The following MRPS27 variants were observed in gnomAD, a reference collection of about 807,000 sequenced individuals.
MRPS27 encodes small ribosomal subunit protein mS27.
MRPS27 carries 43 observed loss-of-function variants against 48.9 expected under a neutral mutation model. That is an observed-to-expected ratio of 0.88 (90% CI 0.69 to 1.13). The LOEUF (loss-of-function observed/expected upper bound fraction) is 1.13. Ranked by LOEUF, MRPS27 falls within the 50% of genes most tolerant of loss-of-function variation. The pLI is 0.00. For synonymous variants in MRPS27, 188 were observed against 171.9 expected (o/e 1.09, Z -0.73); for missense variants, 467 against 476.3 (o/e 0.98, Z 0.18).
At chr5:72,246,126 C>A (rs1261429616) in intron 4 of MRPS27, among the ~76,000 whole-genome samples, 1 of 152,132 alleles carries the variant, frequency 6.6e-6, no homozygotes, top group Non-Finnish European at 1.5e-5. Context: ...CAAGTAGGTG[C>A]CTGATAATTT....
At chr5:72,296,748 A>AGAG (rs1749993097) in intron 3 of MRPS27, among the ~76,000 whole-genome samples, 2 of 152,244 alleles carry the variant, frequency 1.3e-5, no homozygotes, top group Non-Finnish European at 2.9e-5. Flanking sequence ...ATTCAAAAGA[A>AGAG]AGGTAATTTC....
intron 4 of MRPS27, among the ~76,000 whole-genome samples, chr5:72,263,419 A>G (rs545308876): frequency 1.3e-3 from 200 of 152,056 alleles, no homozygotes; most frequent in African/African-American, 4.7e-3. Flanking sequence ...GAAAAAATAG[A>G]GAAACTGGAA....
chr5:72,238,562 G>C (rs1346931624), intron 4 of MRPS27, among the ~76,000 whole-genome samples: 1 of 152,182 alleles, frequency 6.6e-6, no homozygotes, highest in Non-Finnish European at 1.5e-5. Flanking sequence ...AATCAGCTTT[G>C]AGTAACAGTG....
chr5:72,295,893 A>G (rs1400169664), intron 3 of MRPS27, among the ~76,000 whole-genome samples: 1 of 152,188 alleles, frequency 6.6e-6, no homozygotes, highest in Non-Finnish European at 1.5e-5. Context: ...ACTGATTATA[A>G]CTAGTTACCT....
chr5:72,286,127 T>C (rs1448062429), intron 4 of MRPS27, among the ~76,000 whole-genome samples: 4 of 152,222 alleles, frequency 2.6e-5, no homozygotes, highest in African/African-American at 9.6e-5. Flanking sequence ...ACATTCAATA[T>C]GTATTTCTTG....
intron 4 of MRPS27, among the ~76,000 whole-genome samples, chr5:72,244,680 T>C (rs1397382677): frequency 7.2e-6 from 1 of 139,780 alleles, no homozygotes; most frequent in Non-Finnish European, 1.5e-5. Flanking sequence ...TTAATTCCAA[T>C]TTTTTTTTGT....
At chr5:72,272,845 T>C (rs73127265) in intron 4 of MRPS27, among the ~76,000 whole-genome samples, 2,038 of 152,272 alleles carry the variant, frequency 0.013, 41 homozygotes, top group African/African-American at 0.047. Flanking sequence ...TACAGAAAGT[T>C]TGTCAACCCC....
intron 1 of MRPS27, among the ~76,000 whole-genome samples, chr5:72,318,414 C>T (rs748958617): frequency 6.6e-6 from 1 of 152,216 alleles, no homozygotes; most frequent in Non-Finnish European, 1.5e-5. Context: ...GCATATGCTT[C>T]ATTCTAGCAT....
At chr5:72,242,396 G>A (rs1748375170) in intron 4 of MRPS27, among the ~76,000 whole-genome samples, 1 of 147,278 alleles carries the variant, frequency 6.8e-6, no homozygotes, top group African/African-American at 2.5e-5. Context: ...TTCTTAGAAG[G>A]GAAGAGAGGT....
intron 5 of MRPS27, among the ~76,000 whole-genome samples, chr5:72,236,518 G>A (rs979885283): frequency 6.6e-6 from 1 of 152,146 alleles, no homozygotes; most frequent in African/African-American, 2.4e-5. Flanking sequence ...GAATCTTTGA[G>A]TGTAATCTGT....
At chr5:72,270,155 T>TA (rs1749198191) in intron 4 of MRPS27, among the ~76,000 whole-genome samples, 1 of 150,044 alleles carries the variant, frequency 6.7e-6, no homozygotes, top group South Asian at 2.1e-4. Context: ...ATTGCATCAT[T>TA]ATGCTCCAGC....
At chr5:72,241,579 A>C in intron 4 of MRPS27, 1 of 1,433,914 alleles carries the variant, frequency 7.0e-7, no homozygotes, top group Non-Finnish European at 9.5e-7. Context: ...CAGACAAATA[A>C]ATGTGGGGAC....
chr5:72,220,781 G>T lies in MRPS27; in HGVS notation c.*128C>A. On this transcript the variant is annotated 3_prime_UTR_variant, in exon 11 of 11. Transcript: ENST00000261413. ...CAGTCATGGTGCCTTGCCATGTAGG[G>T]CACATAGCCTGCTTTAAGAAAAGAA... 7.4e-7 allele frequency: 1 copy of T among 1,342,934 alleles called. No homozygotes were observed. The highest frequency in any genetic ancestry group is 1.0e-6 in the Non-Finnish European group (1 of 976,150). The allele number at this position is 1,342,934 out of a possible 1,614,324, so 83.2% of individuals were successfully genotyped here. A position where few individuals can be genotyped will look rare whatever the true frequency, so the allele number is the denominator to read the frequency against.
intron 4 of MRPS27, among the ~76,000 whole-genome samples, chr5:72,248,069 T>A (rs1322535856): frequency 6.6e-6 from 1 of 152,316 alleles, no homozygotes; most frequent in South Asian, 2.1e-4. Flanking sequence ...TAAGGTGACC[T>A]TTCTTTCTTC....
intron 4 of MRPS27, among the ~76,000 whole-genome samples, chr5:72,270,831 T>C (rs1338001605): frequency 6.6e-6 from 1 of 152,172 alleles, no homozygotes; most frequent in African/African-American, 2.4e-5. Flanking sequence ...AAGTCTGGAT[T>C]AACATTTGAA....
intron 1 of MRPS27, among the ~76,000 whole-genome samples, chr5:72,315,548 C>A (rs1260300328): frequency 1.4e-5 from 2 of 145,380 alleles, no homozygotes; most frequent in Non-Finnish European, 3.0e-5. Context: ...CAGAGTGAGA[C>A]TCTGTTTCGA....
intron 1 of MRPS27, among the ~76,000 whole-genome samples, chr5:72,318,563 G>A (rs184628168): frequency 2.0e-4 from 30 of 152,348 alleles, no homozygotes; most frequent in African/African-American, 6.3e-4. Flanking sequence ...GGGAAGTAGA[G>A]GCGGGTGGAT....
Position 72,226,197 on chromosome 5 carries a change from T to C in MRPS27, c.697A>G (p.Lys233Glu). 1 of 1,613,556 alleles carries C rather than the reference T, an allele frequency of 6.2e-7. No homozygotes were observed. The highest frequency in any genetic ancestry group is 8.5e-7 in the Non-Finnish European group (1 of 1,179,618). Residue 233 changes from lysine to glutamate, a missense_variant and splice_region_variant, in exon 9 of 11, where the codon AAG (lysine) becomes GAG (glutamate). Physicochemically the swap from Lys to Glu is moderately conservative, Grantham distance 56. Coordinates refer to ENST00000261413, the MANE Select transcript of MRPS27 (RefSeq NM_015084.3). ...CGTAGCCCTTGCTGCAACTCCACCT[T>C]CCCTGTGGCCAAAAAGAACAATAAA... ...SQLYGYALLG[K>E]VELQQGLRAV... is the part of the protein sequence containing the mutation.
chr5:72,243,254 C>T (rs1748409942), intron 4 of MRPS27, among the ~76,000 whole-genome samples: 2 of 152,214 alleles, frequency 1.3e-5, no homozygotes, highest in South Asian at 4.1e-4. Flanking sequence ...TGAGCGCTTC[C>T]TTGAACTAGA....
Sources: gnomAD v4.1 joint callset for allele counts (sites outside exome capture counted in the v4.1 genomes callset) on GRCh38, gnomAD v4.1.1 for gene constraint, MANE v1.5 for transcripts, NCBI Gene and HGNC (gene_info 2026-07-23, HGNC 2026-07-21) for gene names.